GRB2: variants seen among roughly 807,000 people sequenced by gnomAD.
GRB2 encodes the protein growth factor receptor bound protein 2.
GRB2 carries 2 observed loss-of-function variants against 27.4 expected under a neutral mutation model. The ratio of observed to expected loss-of-function variants is 0.07; its 90% confidence interval spans 0.03 to 0.23. The LOEUF (loss-of-function observed/expected upper bound fraction) is 0.23. Ranked by LOEUF, GRB2 falls within the 10% of genes least tolerant of loss-of-function variation. The probability of loss-of-function intolerance (pLI) is 1.00; values close to 1 mark genes in which losing one functional copy is unlikely to be tolerated. For missense variants in GRB2, 102 were observed against 282.4 expected (o/e 0.36, Z 4.58); for synonymous variants, 94 against 99.6 (o/e 0.94, Z 0.33).
intron 2 of GRB2, among the ~76,000 whole-genome samples, chr17:75,375,388 A>G (rs2078885629): frequency 3.9e-5 from 1 of 25,560 alleles, no homozygotes; most frequent in African/African-American, 4.7e-5. Context: ...AATCTTCAGG[A>G]AAAAAAAAAG....
rs567739215 is a variant in GRB2, at chr17:75,338,899, C to T, written c.79-6102G>A. On this transcript the variant is annotated intron_variant, in intron 2 of 5. Coordinates refer to ENST00000316804, the MANE Select transcript of GRB2 (RefSeq NM_002086.5). Reference sequence around the variant, plus strand: ...CAAGCATCAACCCCACAAAGTGACACAGTACAAGAAGGGAAAGGATTCTCT... The same window carrying T: ...CAAGCATCAACCCCACAAAGTGACATAGTACAAGAAGGGAAAGGATTCTCT... 677 of 852,488 alleles carry T rather than the reference C, an allele frequency of 7.9e-4. 8 individuals are homozygous for T. The highest frequency in any genetic ancestry group is 2.0e-3 in the Middle Eastern group (6 of 2,988). 52.8% of individuals were successfully genotyped at this position (852,488 alleles called of 1,614,324 possible).
chr17:75,354,982 A>G (rs1011396005), intron 2 of GRB2, among the ~76,000 whole-genome samples: 4 of 152,068 alleles, frequency 2.6e-5, no homozygotes. Context: ...TAATTTTTGT[A>G]TTTTTAGTAG....
In GRB2 at chr17:75,374,504, T is replaced by C. The variant is rs1051747395; in HGVS notation, c.78+19047A>G. 6.0e-5 allele frequency among the ~76,000 whole-genome samples: 9 copies of C among 148,944 alleles called. No homozygotes were observed. The South Asian group carries it at 1.7e-3, about 28-fold the overall frequency. Reference sequence around the variant, plus strand: ...CAGCATTTTGGGAGGCCAAGGTGGGTGGATCACTTTAGCTCAGGAGTTTGA... The same window carrying C: ...CAGCATTTTGGGAGGCCAAGGTGGGCGGATCACTTTAGCTCAGGAGTTTGA... On this transcript the variant is annotated intron_variant, in intron 2 of 5. Coordinates refer to ENST00000316804, the MANE Select transcript of GRB2 (RefSeq NM_002086.5).
chr17:75,391,504 C>G (rs2078997950), intron 2 of GRB2, among the ~76,000 whole-genome samples: 1 of 152,094 alleles, frequency 6.6e-6, no homozygotes, highest in African/African-American at 2.4e-5. Context: ...AGGGAAAGTT[C>G]TTGTTTAAAA....
chr17:75,405,161 CTCGG>C (rs2079091207), intron 1 of GRB2: 1 of 152,272 alleles, frequency 6.6e-6, no homozygotes, highest in Admixed American at 6.5e-5. Flanking sequence ...GGTAGACTGA[CTCGG>C]TCGGCGTTCG....
At chr17:75,376,224 A>G (rs570359724) in intron 2 of GRB2, among the ~76,000 whole-genome samples, 57 of 149,846 alleles carry the variant, frequency 3.8e-4, no homozygotes, top group African/African-American at 1.3e-3. Context: ...GCGCCTATAT[A>G]GTCCCAGCTA....
At chr17:75,365,547 C>A (rs2078813374) in intron 2 of GRB2, among the ~76,000 whole-genome samples, 1 of 152,116 alleles carries the variant, frequency 6.6e-6, no homozygotes, top group South Asian at 2.1e-4. Context: ...AAAAGGTTCA[C>A]CTTATACAAC....
intron 2 of GRB2, among the ~76,000 whole-genome samples, chr17:75,380,466 T>C (rs1432281540): frequency 2.0e-5 from 3 of 152,202 alleles, no homozygotes; most frequent in African/African-American, 7.2e-5. Context: ...TTTCTTTATA[T>C]TGCAGTATAT....
chr17:75,386,248 A>T (rs1366333162), intron 2 of GRB2, among the ~76,000 whole-genome samples: 1 of 151,926 alleles, frequency 6.6e-6, no homozygotes, highest in Non-Finnish European at 1.5e-5. Context: ...CCTCCTGAGT[A>T]GCTGGGACTA....
intron 2 of GRB2, among the ~76,000 whole-genome samples, chr17:75,379,101 T>C (rs1162729607): frequency 6.6e-6 from 1 of 152,194 alleles, no homozygotes; most frequent in Non-Finnish European, 1.5e-5. Flanking sequence ...ATTTTGAATA[T>C]GGTTTCATTG....
At chr17:75,378,448 G>C (rs906465805) in intron 2 of GRB2, among the ~76,000 whole-genome samples, 2 of 152,196 alleles carry the variant, frequency 1.3e-5, no homozygotes, top group Admixed American at 6.5e-5. Flanking sequence ...TTTTCATGTG[G>C]TCACCTGAGG....
At chr17:75,327,574 T>C (rs572303428) in intron 3 of GRB2, among the ~76,000 whole-genome samples, 3 of 151,198 alleles carry the variant, frequency 2.0e-5, no homozygotes, top group East Asian at 1.9e-4. Flanking sequence ...TTTCACCATA[T>C]TGGCCAGGCT....
intron 2 of GRB2, among the ~76,000 whole-genome samples, chr17:75,355,517 A>C (rs2078726003): frequency 6.6e-6 from 1 of 151,604 alleles, no homozygotes. Flanking sequence ...GGGGATGTCC[A>C]ATCTTTTGGC....
intron 2 of GRB2, among the ~76,000 whole-genome samples, chr17:75,356,362 G>A (rs1169279051): frequency 1.3e-5 from 2 of 151,988 alleles, no homozygotes; most frequent in East Asian, 3.9e-4. Context: ...CTAAAAATTA[G>A]TTAGGTGTGG....
intron 1 of GRB2, among the ~76,000 whole-genome samples, chr17:75,401,536 C>T (rs1480490677): frequency 6.6e-6 from 1 of 151,594 alleles, no homozygotes; most frequent in Non-Finnish European, 1.5e-5. Flanking sequence ...GCATGATACA[C>T]CTCAATTGTA....
At chr17:75,368,711 A>T (rs919982301) in intron 2 of GRB2, among the ~76,000 whole-genome samples, 2 of 151,312 alleles carry the variant, frequency 1.3e-5, no homozygotes, top group Non-Finnish European at 2.9e-5. Context: ...TGCCCGGCTC[A>T]TTTTTTTATT....
At chr17:75,351,622 C>T (rs962269877) in intron 2 of GRB2, among the ~76,000 whole-genome samples, 1 of 151,364 alleles carries the variant, frequency 6.6e-6, no homozygotes, top group Non-Finnish European at 1.5e-5. Flanking sequence ...CACTGCACCC[C>T]AATCTGGGTG....
In GRB2 at chr17:75,388,768, C is replaced by T. The variant is rs756710603; in HGVS notation, c.78+4783G>A. 1.5e-4 allele frequency among the ~76,000 whole-genome samples: 23 copies of T among 152,018 alleles called. No homozygotes were observed. In the South Asian group the frequency reaches 2.1e-3, roughly 14 times the overall value. ...TTTATTTAGATTAGGTAATTTGAAC[C>T]CCTGAAATGGGACTTGTGCACTGAA... is the stretch of plus-strand genomic sequence containing the variant. On this transcript the variant is annotated intron_variant, in intron 2 of 5. Coordinates refer to ENST00000316804, the MANE Select transcript of GRB2 (RefSeq NM_002086.5).
At chr17:75,353,098 T>C (rs2078703467) in intron 2 of GRB2, among the ~76,000 whole-genome samples, 1 of 147,914 alleles carries the variant, frequency 6.8e-6, no homozygotes. Flanking sequence ...GGCAGGAGAA[T>C]GGCGTGAACC....
Sources: gnomAD v4.1 joint callset for allele counts (sites outside exome capture counted in the v4.1 genomes callset) on GRCh38, gnomAD v4.1.1 for gene constraint, MANE v1.5 for transcripts, NCBI Gene and HGNC (gene_info 2026-07-23, HGNC 2026-07-21) for gene names.